The following CNTN5 variants were observed in gnomAD, a reference collection of about 807,000 sequenced individuals.
The protein encoded by CNTN5 is contactin-5.
Under a neutral mutation model 129.1 loss-of-function variants are expected in CNTN5, and 77 were observed. The observed-to-expected ratio is 0.60, with a 90% confidence interval of 0.50 to 0.72. The LOEUF (loss-of-function observed/expected upper bound fraction) is 0.72, where lower values mean the gene tolerates loss of function less well. Among genes scored for constraint, CNTN5 ranks in the 30% least tolerant of loss-of-function variants. The probability of loss-of-function intolerance (pLI) is 0.00; values close to 1 mark genes in which losing one functional copy is unlikely to be tolerated. For missense variants in CNTN5, 1,478 were observed against 1,328.8 expected (o/e 1.11, Z -1.75); for synonymous variants, 509 against 465.6 (o/e 1.09, Z -1.20).
rs149471967 is a variant in CNTN5, at chr11:99,785,919, G to A, written c.56-33625G>A. The stretch of plus-strand genomic sequence containing the variant: ...TATTATACTGAATGGGCAAAAGCTG[G>A]AGGCATTCCCTTTGAAAGCCGGCAC... On this transcript the variant is annotated intron_variant, in intron 3 of 24. Transcript: ENST00000524871. Among the ~76,000 whole-genome samples the A allele has an allele frequency of 4.9e-3, 748 of 152,204 alleles. 36 individuals are homozygous for A. In the East Asian group the frequency reaches 0.1, roughly 21 times the overall value.
intron 3 of CNTN5, among the ~76,000 whole-genome samples, chr11:99,652,885 G>A (rs980725560): frequency 1.3e-5 from 2 of 151,876 alleles, no homozygotes; most frequent in African/African-American, 4.8e-5. Context: ...CTGCCCCCAA[G>A]GGTTTCAGAT....
At chr11:100,330,541 G>A (rs1386273051) in intron 21 of CNTN5, among the ~76,000 whole-genome samples, 1 of 149,064 alleles carries the variant, frequency 6.7e-6, no homozygotes, top group African/African-American at 2.6e-5. Context: ...GTTATCTAAA[G>A]TCAAGACGAA....
At chr11:100,094,901 C>T (rs1029590608) in intron 13 of CNTN5, among the ~76,000 whole-genome samples, 3 of 152,042 alleles carry the variant, frequency 2.0e-5, no homozygotes, top group Non-Finnish European at 2.9e-5. Flanking sequence ...GAATTTGTTG[C>T]TCACCTTGTA....
At position 99,325,351 on chromosome 11, in the gene CNTN5, T is replaced by A. The variant is rs545568863; in HGVS notation, c.-204T>A. ...TATATATTATTTCTTAACAGGTGTC[T>A]TTAAAGGATTGCCATTTAATGCCAT... On this transcript the variant is annotated 5_prime_UTR_variant, in exon 2 of 25. Transcript: ENST00000524871. 5 of 152,276 alleles carry A rather than the reference T, an allele frequency of 3.3e-5. No individual in the cohort carries two copies. In the South Asian group the frequency reaches 1.0e-3, roughly 32 times the overall value. 9.4% of individuals were successfully genotyped at this position (152,276 alleles called of 1,614,324 possible). A position where few individuals can be genotyped will look rare whatever the true frequency, so the allele number is the denominator to read the frequency against.
intron 1 of CNTN5, among the ~76,000 whole-genome samples, chr11:99,322,973 C>T (rs533342456): frequency 6.6e-4 from 100 of 152,122 alleles, no homozygotes; most frequent in African/African-American, 2.3e-3. Context: ...AGACAACTTA[C>T]CTTCTTTTTC....
chr11:99,846,357 CAAAAA>C (rs35705639), intron 6 of CNTN5, among the ~76,000 whole-genome samples: 2 of 61,422 alleles, frequency 3.3e-5, no homozygotes, highest in Admixed American at 2.3e-4. Flanking sequence ...GGATCTGTCT[CAAAAA>C]AAAAAAAAAA....
intron 1 of CNTN5, among the ~76,000 whole-genome samples, chr11:99,147,443 C>T (rs1859843777): frequency 2.0e-5 from 3 of 152,222 alleles, no homozygotes; most frequent in Admixed American, 6.5e-5. Context: ...AGGCAAAGCT[C>T]CATATATTTT....
rs571938518 is a variant in CNTN5, at chr11:99,686,397, G to A, written c.55+130128G>A. On this transcript the variant is annotated intron_variant, in intron 3 of 24. Transcript: ENST00000524871. The stretch of plus-strand genomic sequence containing the variant: ...TTTCTGTGGTTAGGTAGAGAATTTC[G>A]GTTTCTTTTTGCTTCCTTTTATTTT... Among the ~76,000 whole-genome samples the A allele has an allele frequency of 4.3e-4, 65 of 151,590 alleles. No homozygotes were observed. In the South Asian group the frequency reaches 5.2e-3, roughly 12 times the overall value.
chr11:99,461,846 A>G (rs1284888509), intron 2 of CNTN5, among the ~76,000 whole-genome samples: 1 of 152,210 alleles, frequency 6.6e-6, no homozygotes, highest in African/African-American at 2.4e-5. Context: ...AATTTAAAAT[A>G]GAATTGTGTT....
chr11:99,750,185 G>A (rs948880921), intron 3 of CNTN5, among the ~76,000 whole-genome samples: 2 of 152,074 alleles, frequency 1.3e-5, no homozygotes, highest in Non-Finnish European at 2.9e-5. Context: ...CATATTATGT[G>A]TAAATCTACA....
At chr11:99,970,781 CT>C (rs141703415) in intron 8 of CNTN5, among the ~76,000 whole-genome samples, 309 of 152,246 alleles carry the variant, frequency 2.0e-3, no homozygotes, top group African/African-American at 7.1e-3. Context: ...GTAAACTCCC[CT>C]GTCAAGAATT....
chr11:100,150,706 CTT>C (rs1947026641), intron 13 of CNTN5, among the ~76,000 whole-genome samples: 1 of 151,870 alleles, frequency 6.6e-6, no homozygotes, highest in South Asian at 2.1e-4. Context: ...CAAAACACAA[CTT>C]AGTTTTCTAG....
chr11:99,475,957 A>T (rs764267431), intron 2 of CNTN5, among the ~76,000 whole-genome samples: 4 of 151,996 alleles, frequency 2.6e-5, no homozygotes, highest in Non-Finnish European at 5.9e-5. Flanking sequence ...TTATTCTGCC[A>T]CCAGGCTTCA....
intron 7 of CNTN5, among the ~76,000 whole-genome samples, chr11:99,921,500 C>G (rs780982625): frequency 1.3e-5 from 2 of 152,148 alleles, no homozygotes; most frequent in Non-Finnish European, 2.9e-5. Context: ...CTTTTGATTT[C>G]TACTCCACAA....
intron 1 of CNTN5, among the ~76,000 whole-genome samples, chr11:99,164,032 A>T (rs1191734157): frequency 6.6e-6 from 1 of 152,202 alleles, no homozygotes; most frequent in South Asian, 2.1e-4. Context: ...TGTCAAAAAA[A>T]TGTGTTGCAA....
intron 1 of CNTN5, among the ~76,000 whole-genome samples, chr11:99,180,140 G>A (rs760794105): frequency 2.0e-5 from 3 of 152,076 alleles, no homozygotes. Flanking sequence ...CCATGTAAAT[G>A]GCAATGCAGA....
chr11:99,939,583 A>C (rs1403442225), intron 7 of CNTN5, among the ~76,000 whole-genome samples: 1 of 152,070 alleles, frequency 6.6e-6, no homozygotes, highest in Non-Finnish European at 1.5e-5. Flanking sequence ...ACAATCTAAT[A>C]GTGTCCATGT....
intron 1 of CNTN5, among the ~76,000 whole-genome samples, chr11:99,064,028 A>G (rs1046532931): frequency 6.6e-6 from 1 of 152,206 alleles, no homozygotes; most frequent in African/African-American, 2.4e-5. Context: ...TCCAGAATAC[A>G]TTGATTAAGT....
chr11:99,455,454 A>T (rs901614084), intron 2 of CNTN5, among the ~76,000 whole-genome samples: 1 of 152,064 alleles, frequency 6.6e-6, no homozygotes, highest in African/African-American at 2.4e-5. Flanking sequence ...TTTTTTTAAA[A>T]AAAACATAAG....
Sources: gnomAD v4.1 joint callset for allele counts (sites outside exome capture counted in the v4.1 genomes callset) on GRCh38, gnomAD v4.1.1 for gene constraint, MANE v1.5 for transcripts, NCBI Gene and HGNC (gene_info 2026-07-23, HGNC 2026-07-21) for gene names.